GLT8D2: variants seen among roughly 807,000 people sequenced by gnomAD.
GLT8D2 encodes glycosyltransferase 8 domain containing 2.
A neutral mutation model predicts 44.5 loss-of-function variants in GLT8D2; 45 were observed. The ratio of observed to expected loss-of-function variants is 1.01; its 90% CI spans 0.80 to 1.30. The LOEUF is 1.30. Among genes scored for constraint, GLT8D2 ranks in the 50% most tolerant of loss-of-function variants. GLT8D2 has a pLI of 0.00. For synonymous variants in GLT8D2, 156 were observed against 157.2 expected, an observed-to-expected ratio of 0.99 and a Z score of 0.06; for missense variants, 400 against 430.4, an observed-to-expected ratio of 0.93 and a Z score of 0.62.
intron 1 of GLT8D2, among the ~76,000 whole-genome samples, chr12:104,028,655 T>TAATAAGTA (rs1414662572): frequency 2.8e-4 from 43 of 152,276 alleles, no homozygotes; most frequent in African/African-American, 1.0e-3. Flanking sequence ...ATCAACATGT[T>TAATAAGTA]AATAAGTAAT....
chr12:104,011,888 T>C (rs1875872086), intron 4 of GLT8D2, among the ~76,000 whole-genome samples: 1 of 151,928 alleles, frequency 6.6e-6, no homozygotes, highest in Non-Finnish European at 1.5e-5. Flanking sequence ...AATATATACC[T>C]GGGCCGGGCG....
At chr12:104,061,153 A>G (rs1378755133) in intron 1 of GLT8D2, among the ~76,000 whole-genome samples, 2 of 152,176 alleles carry the variant, frequency 1.3e-5, no homozygotes, top group African/African-American at 4.8e-5. Flanking sequence ...AGAACTGTGA[A>G]ACAAAACATT....
intron 1 of GLT8D2, among the ~76,000 whole-genome samples, chr12:104,059,690 A>G (rs1882465000): frequency 6.6e-6 from 1 of 152,174 alleles, no homozygotes; most frequent in African/African-American, 2.4e-5. Flanking sequence ...TGGGTACAGT[A>G]GTCTGGGAAA....
chr12:104,016,454 T>A (rs564071519), intron 3 of GLT8D2, among the ~76,000 whole-genome samples: 2 of 151,724 alleles, frequency 1.3e-5, no homozygotes, highest in African/African-American at 4.8e-5. Flanking sequence ...CTGGCCAACA[T>A]AGCAAAACCC....
At chr12:104,040,261 G>A (rs1331109316) in intron 1 of GLT8D2, among the ~76,000 whole-genome samples, 10 of 152,052 alleles carry the variant, frequency 6.6e-5, no homozygotes, top group Admixed American at 2.0e-4. Flanking sequence ...AAACCTGCAC[G>A]TTGTGCACAT....
At chr12:104,045,874 A>AGCCATCACT (rs1188687262) in intron 1 of GLT8D2, among the ~76,000 whole-genome samples, 1 of 146,640 alleles carries the variant, frequency 6.8e-6, no homozygotes, top group East Asian at 2.0e-4. Flanking sequence ...TCAGTTAAAA[A>AGCCATCACT]AGAAAAGAAA....
At chr12:104,045,958 T>TAAGAAAGAAAGAAAGAAAGAAAGAAAGA (rs141480385) in intron 1 of GLT8D2, among the ~76,000 whole-genome samples, 1 of 132,636 alleles carries the variant, frequency 7.5e-6, no homozygotes, top group East Asian at 2.2e-4. Flanking sequence ...AGAAAGAAAA[T>TAAGAAAGAAAGAAAGAAAGAAAGAAAGA]AAGAAAGAAA....
intron 6 of GLT8D2, 76 bp from the exon 7 acceptor site, chr12:103,997,611 G>T: frequency 9.8e-7 from 1 of 1,024,108 alleles, no homozygotes; most frequent in Non-Finnish European, 1.5e-6. Context: ...CTGGAGAGTC[G>T]GCTTTGACCA....
chr12:103,991,784 G>A (rs1015264104), intron 10 of GLT8D2, among the ~76,000 whole-genome samples: 5 of 139,694 alleles, frequency 3.6e-5, no homozygotes, highest in African/African-American at 1.4e-4. Context: ...CAGAATCATC[G>A]AGAGCATACA....
At chr12:104,046,874 G>C (rs1881208549) in intron 1 of GLT8D2, among the ~76,000 whole-genome samples, 1 of 151,936 alleles carries the variant, frequency 6.6e-6, no homozygotes, top group African/African-American at 2.4e-5. Flanking sequence ...ACCTAGGCTG[G>C]AGTGTGGTGG....
chr12:104,012,193 T>A (rs201423179), intron 4 of GLT8D2, among the ~76,000 whole-genome samples: 3,345 of 96,180 alleles, frequency 0.035, 79 homozygotes, highest in African/African-American at 0.065. Flanking sequence ...AAAAAAAATA[T>A]ATATATATAT....
intron 5 of GLT8D2, among the ~76,000 whole-genome samples, chr12:104,002,096 C>A (rs1566192836): frequency 6.6e-6 from 1 of 152,122 alleles, no homozygotes; most frequent in Non-Finnish European, 1.5e-5. Flanking sequence ...CCACCTCAGC[C>A]TCCCGCTATG....
intron 5 of GLT8D2, among the ~76,000 whole-genome samples, chr12:104,000,986 CTTCCT>C (rs1238520660): frequency 1.1e-4 from 16 of 152,324 alleles, no homozygotes; most frequent in African/African-American, 3.6e-4. Context: ...ACACCCTGAA[CTTCCT>C]TTCATCAGCA....
intron 1 of GLT8D2, among the ~76,000 whole-genome samples, chr12:104,025,182 T>C (rs1376173153): frequency 6.6e-6 from 1 of 152,182 alleles, no homozygotes; most frequent in Non-Finnish European, 1.5e-5. Context: ...CAAAAGTATT[T>C]AATTTTGATG....
At chr12:104,043,379 C>T (rs1443385905) in intron 1 of GLT8D2, among the ~76,000 whole-genome samples, 3 of 152,156 alleles carry the variant, frequency 2.0e-5, no homozygotes, top group Non-Finnish European at 4.4e-5. Context: ...TATAGTAATC[C>T]ACGTGTCCAA....
chr12:104,060,853 G>A (rs1225349171), intron 1 of GLT8D2, among the ~76,000 whole-genome samples: 5 of 152,082 alleles, frequency 3.3e-5, no homozygotes, highest in African/African-American at 9.7e-5. Flanking sequence ...AGCCTGGGAG[G>A]TGGAGGCTGC....
intron 1 of GLT8D2, among the ~76,000 whole-genome samples, chr12:104,029,225 G>A (rs936647554): frequency 6.6e-6 from 1 of 152,178 alleles, no homozygotes; most frequent in Non-Finnish European, 1.5e-5. Flanking sequence ...GGAAGGCTGA[G>A]GTTGCAGTGA....
At chr12:104,038,831 C>T (rs7358625) in intron 1 of GLT8D2, among the ~76,000 whole-genome samples, 90,820 of 151,844 alleles carry the variant, frequency 0.6, 27,938 homozygotes, top group Non-Finnish European at 0.67. Flanking sequence ...GAGCCCACAT[C>T]GCCAAGACAA....
In GLT8D2 at chr12:104,060,796, A is replaced by G. The variant is rs188171254; in HGVS notation, c.-423+3153T>C. On this transcript the variant is annotated intron_variant, in intron 1 of 10. Coordinates refer to the GLT8D2 transcript ENST00000548660. Reference sequence around the variant, plus strand: ...AAACTAGCCAGGCATGGTAGTGCACACCTATAATCTCAGCTACTCCAAAAG... The same window carrying G: ...AAACTAGCCAGGCATGGTAGTGCACGCCTATAATCTCAGCTACTCCAAAAG... 2.0e-5 allele frequency among the ~76,000 whole-genome samples: 3 copies of G among 152,208 alleles called. No homozygotes were observed. The East Asian group carries it at 5.8e-4, about 29-fold the overall frequency.
Sources: allele counts gnomAD v4.1 joint callset (sites outside exome capture counted in the v4.1 genomes callset), GRCh38; gene constraint gnomAD v4.1.1; transcripts MANE v1.5; gene names NCBI Gene and HGNC (gene_info 2026-07-23, HGNC 2026-07-21).